Variants in MECOM observed in about 807,000 individuals in gnomAD.
MECOM encodes MDS1 and EVI1 complex locus.
In MECOM, 13 loss-of-function variants were observed where a neutral mutation model predicts 116.3. The ratio of observed to expected loss-of-function variants is 0.11; its 90% CI spans 0.07 to 0.18. MECOM has a LOEUF of 0.18. Among genes scored for constraint, MECOM ranks in the 10% least tolerant of loss-of-function variants. MECOM has a pLI of 1.00. For synonymous variants in MECOM, 528 were observed against 535.2 expected, an observed-to-expected ratio of 0.99 and a Z score of 0.19; for missense variants, 1,299 against 1,509.0, an observed-to-expected ratio of 0.86 and a Z score of 2.31.
chr3:169,584,667 T>A lies in MECOM; in HGVS notation c.37+78669A>T, dbSNP rs544007568. The stretch of plus-strand genomic sequence containing the variant: ...ACTTAGACTTGTAGTACATTTCCAA[T>A]TGAATTTGAGTATACTACTGGTAAA... On this transcript the variant is annotated intron_variant, in intron 1 of 16. Coordinates refer to ENST00000651503, the MANE Select transcript of MECOM (RefSeq NM_004991.4). 8.5e-5 allele frequency among the ~76,000 whole-genome samples: 13 copies of A among 152,248 alleles called. No homozygotes were observed. In the South Asian group the frequency reaches 2.5e-3, roughly 29 times the overall value.
At chr3:169,300,845 T>A (rs1264613576) in intron 2 of MECOM, among the ~76,000 whole-genome samples, 1 of 152,214 alleles carries the variant, frequency 6.6e-6, no homozygotes, top group Non-Finnish European at 1.5e-5. Context: ...GTCACTGTAC[T>A]TCTATACTGG....
chr3:169,284,356 A>G (rs1402257755), intron 2 of MECOM, among the ~76,000 whole-genome samples: 1 of 151,950 alleles, frequency 6.6e-6, no homozygotes, highest in Non-Finnish European at 1.5e-5. Context: ...ATCCCTGATC[A>G]CTCTGGGCAG....
chr3:169,382,943 CGAGTTAAGGAT>C (rs1560205335), intron 1 of MECOM, among the ~76,000 whole-genome samples: 1 of 150,502 alleles, frequency 6.6e-6, no homozygotes, highest in African/African-American at 2.4e-5. Flanking sequence ...TGGATAACCA[CGAGTTAAGGAT>C]GATGCATCAT....
chr3:169,655,769 A>T (rs1775469500), intron 1 of MECOM, among the ~76,000 whole-genome samples: 1 of 152,258 alleles, frequency 6.6e-6, no homozygotes, highest in Admixed American at 6.5e-5. Flanking sequence ...CTGGATAAAA[A>T]CATTAAACAG....
At chr3:169,208,148 A>G (rs1692439734) in intron 2 of MECOM, among the ~76,000 whole-genome samples, 1 of 151,686 alleles carries the variant, frequency 6.6e-6, no homozygotes, top group Non-Finnish European at 1.5e-5. Context: ...ATCTATTCCA[A>G]AGCTCTTGAC....
intron 1 of MECOM, among the ~76,000 whole-genome samples, chr3:169,462,618 A>G (rs986528834): frequency 2.3e-4 from 35 of 152,170 alleles, no homozygotes; most frequent in Non-Finnish European, 2.4e-4. Context: ...TGAAATTTTT[A>G]TGCTGTTAAA....
At chr3:169,433,673 GAAAGAAAGAAAGAAAGAGAA>G (rs1742113083) in intron 1 of MECOM, among the ~76,000 whole-genome samples, 3 of 144,870 alleles carry the variant, frequency 2.1e-5, no homozygotes, top group South Asian at 4.3e-4. Flanking sequence ...AAGAAAGAAA[GAAAGAAAGAAAGAAAGAGAA>G]AGAAAGAAAA....
At chr3:169,624,953 T>A (rs1200211396) in intron 1 of MECOM, among the ~76,000 whole-genome samples, 1 of 150,964 alleles carries the variant, frequency 6.6e-6, no homozygotes, top group Non-Finnish European at 1.5e-5. Context: ...GAATTTCTCA[T>A]CAAGATTGAA....
chr3:169,651,607 C>CATA (rs1480928201), intron 1 of MECOM, among the ~76,000 whole-genome samples: 2 of 151,892 alleles, frequency 1.3e-5, no homozygotes, highest in Non-Finnish European at 2.9e-5. Flanking sequence ...GATGCAAAGG[C>CATA]ATAAGAATGA....
At chr3:169,421,288 C>T (rs1201655608) in intron 1 of MECOM, among the ~76,000 whole-genome samples, 2 of 152,130 alleles carry the variant, frequency 1.3e-5, no homozygotes, top group East Asian at 3.8e-4. Flanking sequence ...TGTCTTCTCA[C>T]TTTTGTGAAC....
chr3:169,450,470 C>A (rs187731162), intron 1 of MECOM, among the ~76,000 whole-genome samples: 1 of 152,050 alleles, frequency 6.6e-6, no homozygotes, highest in East Asian at 1.9e-4. Context: ...TTGAAGGAAA[C>A]TTCCAGCAAG....
intron 1 of MECOM, among the ~76,000 whole-genome samples, chr3:169,654,273 T>C (rs1445563782): frequency 1.3e-5 from 2 of 152,224 alleles, no homozygotes; most frequent in East Asian, 1.9e-4. Context: ...ACACTTCTGC[T>C]AGAAATACAA....
chr3:169,088,912 GAT>G, intron 16 of MECOM, 86 bp downstream of exon 16: 1 of 1,148,504 alleles, frequency 8.7e-7, no homozygotes, highest in Non-Finnish European at 1.2e-6. Flanking sequence ...ATATTTCAAA[GAT>G]AGAATATTTG....
intron 1 of MECOM, among the ~76,000 whole-genome samples, chr3:169,473,917 T>C (rs954655166): frequency 6.6e-6 from 1 of 152,164 alleles, no homozygotes; most frequent in Non-Finnish European, 1.5e-5. Flanking sequence ...GATAGATAGA[T>C]AGATAATTGA....
At chr3:169,093,807 C>A (rs543027818) in intron 13 of MECOM, among the ~76,000 whole-genome samples, 1 of 152,256 alleles carries the variant, frequency 6.6e-6, no homozygotes, top group East Asian at 1.9e-4. Context: ...GAGCTTTACA[C>A]CAACATTAGC....
chr3:169,403,599 C>T (rs892661427), intron 1 of MECOM, among the ~76,000 whole-genome samples: 2 of 152,226 alleles, frequency 1.3e-5, no homozygotes, highest in South Asian at 2.1e-4. Flanking sequence ...AACTGCAAGA[C>T]ACTTATTTAT....
intron 7 of MECOM, among the ~76,000 whole-genome samples, chr3:169,120,272 T>C (rs1253490247): frequency 1.3e-5 from 2 of 152,230 alleles, no homozygotes; most frequent in Non-Finnish European, 2.9e-5. Context: ...TATAAAATGT[T>C]TGAGCACAAT....
intron 1 of MECOM, among the ~76,000 whole-genome samples, chr3:169,486,195 A>C (rs1035657084): frequency 6.6e-6 from 1 of 151,266 alleles, no homozygotes; most frequent in Admixed American, 6.6e-5. Context: ...ACAAAACAAA[A>C]TTATATTCAA....
chr3:169,319,518 C>T (rs1413502405), intron 2 of MECOM, among the ~76,000 whole-genome samples: 1 of 151,420 alleles, frequency 6.6e-6, no homozygotes, highest in Non-Finnish European at 1.5e-5. Flanking sequence ...CATGTGTAAA[C>T]CTGCACATTC....
Sources: gnomAD v4.1 joint callset for allele counts (sites outside exome capture counted in the v4.1 genomes callset) on GRCh38, gnomAD v4.1.1 for gene constraint, MANE v1.5 for transcripts, NCBI Gene and HGNC (gene_info 2026-07-23, HGNC 2026-07-21) for gene names.